The following KCNQ3 variants were observed in gnomAD, a reference collection of about 807,000 sequenced individuals.
KCNQ3 encodes potassium voltage-gated channel subfamily KQT member 3.
A neutral mutation model predicts 92.5 loss-of-function variants in KCNQ3; 30 were observed. That is an observed-to-expected ratio of 0.32 (90% CI 0.24 to 0.44). The LOEUF is 0.44. Among genes scored for constraint, KCNQ3 ranks in the 20% least tolerant of loss-of-function variants. The pLI is 1.00. For synonymous variants in KCNQ3, 450 were observed against 468.8 expected, an observed-to-expected ratio of 0.96 and a Z score of 0.52; for missense variants, 913 against 1,140.3, an observed-to-expected ratio of 0.80 and a Z score of 2.87.
At chr8:132,224,778 C>T (rs953651351) in intron 1 of KCNQ3, among the ~76,000 whole-genome samples, 4 of 152,128 alleles carry the variant, frequency 2.6e-5, no homozygotes, top group African/African-American at 9.7e-5. Context: ...CTCAGCAATG[C>T]TCTGTCCTAA....
At chr8:132,186,907 CGTGTGT>C (rs145871547) in intron 1 of KCNQ3, among the ~76,000 whole-genome samples, 135 of 111,464 alleles carry the variant, frequency 1.2e-3, no homozygotes, top group African/African-American at 4.6e-3. Context: ...CTGTGAGGTG[CGTGTGT>C]GTGTGTGTGT....
rs139014949 is a variant in KCNQ3, at chr8:132,187,752, G to A, written c.387-1571C>T. On this transcript the variant is annotated intron_variant, in intron 1 of 14. Transcript: ENST00000388996. ...TGATAGTGATGATGGTGGTGGTGGTGGTAGTGATGATGGTGGTAGTGATAG... is the reference window on the plus strand; with the variant it reads ...TGATAGTGATGATGGTGGTGGTGGTAGTAGTGATGATGGTGGTAGTGATAG... Among the ~76,000 whole-genome samples the A allele has an allele frequency of 4.0e-3, 595 of 150,250 alleles. 2 individuals carry two copies. Among genetic ancestry groups the A allele is most frequent in the African/African-American group, 0.014 (557 of 40,678 alleles).
chr8:132,316,905 C>T (rs1023187210), intron 1 of KCNQ3, among the ~76,000 whole-genome samples: 5 of 152,052 alleles, frequency 3.3e-5, no homozygotes, highest in Non-Finnish European at 5.9e-5. Flanking sequence ...TTTCTCATGT[C>T]GTTGGTGGTA....
At chr8:132,441,073 G>A (rs898078917) in intron 1 of KCNQ3, among the ~76,000 whole-genome samples, 1 of 152,218 alleles carries the variant, frequency 6.6e-6, no homozygotes, top group Non-Finnish European at 1.5e-5. Flanking sequence ...TCCAAGAGGA[G>A]AAGTAACTTA....
intron 1 of KCNQ3, among the ~76,000 whole-genome samples, chr8:132,254,747 C>T (rs1183332783): frequency 6.6e-6 from 1 of 152,066 alleles, no homozygotes; most frequent in Non-Finnish European, 1.5e-5. Context: ...GGCGTGGTGG[C>T]ATGTGCATTC....
Position 132,257,745 on chromosome 8 carries a change from C to CAA in KCNQ3, c.387-71566_387-71565dup, listed in dbSNP as rs1174893538. ...CTGGTGATAGAGTGAGACTCCAGCT[C>CAA]AAAAAAAAAAAAAAAAAAAAAGAGA... On this transcript the variant is annotated intron_variant, in intron 1 of 14. Coordinates refer to ENST00000388996, the MANE Select transcript of KCNQ3 (RefSeq NM_004519.4). Among the ~76,000 whole-genome samples, 674 of 76,254 alleles carry CAA rather than the reference C, an allele frequency of 8.8e-3. 22 individuals carry two copies. Among genetic ancestry groups the CAA allele is most frequent in the African/African-American group, 0.033 (504 of 15,288 alleles). 50.0% of individuals were successfully genotyped at this position (76,254 alleles called of 152,430 possible).
chr8:132,170,234 A>C, intron 8 of KCNQ3, 100 bp downstream of exon 8: 1 of 848,398 alleles, frequency 1.2e-6, no homozygotes, highest in East Asian at 2.4e-5. Context: ...CATTGCCCTG[A>C]AGAGTGTTCT....
At chr8:132,185,841 GCTTTGA>G (rs1177996509) in intron 2 of KCNQ3, among the ~76,000 whole-genome samples, 3 of 152,178 alleles carry the variant, frequency 2.0e-5, no homozygotes, top group African/African-American at 7.2e-5. Flanking sequence ...ATTGGTTTTT[GCTTTGA>G]CTTTATTTCC....
intron 1 of KCNQ3, among the ~76,000 whole-genome samples, chr8:132,330,417 C>T (rs968722564): frequency 3.9e-5 from 6 of 152,044 alleles, no homozygotes; most frequent in South Asian, 2.1e-4. Flanking sequence ...TCGAGGAAAA[C>T]CTCCAGGGGA....
chr8:132,351,593 C>T (rs1269280739), intron 1 of KCNQ3, among the ~76,000 whole-genome samples: 1 of 152,186 alleles, frequency 6.6e-6, no homozygotes, highest in Non-Finnish European at 1.5e-5. Context: ...GAAGTAGGCC[C>T]TCCCAGTGGA....
chr8:132,252,463 G>A (rs867663500), intron 1 of KCNQ3, among the ~76,000 whole-genome samples: 3 of 152,126 alleles, frequency 2.0e-5, no homozygotes, highest in East Asian at 1.9e-4. Flanking sequence ...GCAGACCCTC[G>A]CAGTGAGTGT....
At chr8:132,273,395 G>C (rs1330940798) in intron 1 of KCNQ3, among the ~76,000 whole-genome samples, 1 of 152,208 alleles carries the variant, frequency 6.6e-6, no homozygotes, top group Non-Finnish European at 1.5e-5. Context: ...GGAGTGGCTG[G>C]AATGCAGGGC....
chr8:132,390,297 G>A (rs1217481793), intron 1 of KCNQ3, among the ~76,000 whole-genome samples: 1 of 152,206 alleles, frequency 6.6e-6, no homozygotes, highest in Non-Finnish European at 1.5e-5. Context: ...AGTCAGAATA[G>A]AGATTGCTTT....
At chr8:132,327,713 T>C (rs1017753721) in intron 1 of KCNQ3, among the ~76,000 whole-genome samples, 8 of 152,080 alleles carry the variant, frequency 5.3e-5, no homozygotes, top group African/African-American at 1.9e-4. Flanking sequence ...TGTTCTCTGC[T>C]CCTAGAAAAT....
intron 1 of KCNQ3, among the ~76,000 whole-genome samples, chr8:132,310,317 CAT>C (rs1419221276): frequency 6.6e-6 from 1 of 152,202 alleles, no homozygotes; most frequent in Non-Finnish European, 1.5e-5. Context: ...CTCCATGTAA[CAT>C]AAAGATCCCC....
chr8:132,355,610 G>A (rs1818998296), intron 1 of KCNQ3, among the ~76,000 whole-genome samples: 1 of 152,062 alleles, frequency 6.6e-6, no homozygotes, highest in Admixed American at 6.6e-5. Context: ...TGCCCTCAGG[G>A]AAGCTGGTCT....
intron 1 of KCNQ3, among the ~76,000 whole-genome samples, chr8:132,283,090 CTCGTGTGTGTGTGTGT>C (rs1191945137): frequency 1.5e-5 from 2 of 137,752 alleles, no homozygotes; most frequent in Non-Finnish European, 3.0e-5. Flanking sequence ...CTCTCTCTCT[CTCGTGTGTGTGTGTGT>C]GTGTGTGTGT....
chr8:132,186,933 TGAGA>T (rs1206881344), intron 1 of KCNQ3, among the ~76,000 whole-genome samples: 6 of 106,548 alleles, frequency 5.6e-5, no homozygotes, highest in South Asian at 3.6e-4. Flanking sequence ...TGTGTGTGTG[TGAGA>T]GAGAGAGAGA....
At chr8:132,211,946 C>A (rs950259060) in intron 1 of KCNQ3, among the ~76,000 whole-genome samples, 6 of 140,214 alleles carry the variant, frequency 4.3e-5, no homozygotes, top group Non-Finnish European at 9.0e-5. Context: ...GTGCTAGACT[C>A]CATCTCAAAA....
Sources: allele counts gnomAD v4.1 joint callset (sites outside exome capture counted in the v4.1 genomes callset), GRCh38; gene constraint gnomAD v4.1.1; transcripts MANE v1.5; gene names NCBI Gene and HGNC (gene_info 2026-07-23, HGNC 2026-07-21).